PRMT8: variants seen among roughly 807,000 people sequenced by gnomAD.
PRMT8 encodes protein arginine N-methyltransferase 8.
Under a neutral mutation model 47.1 loss-of-function variants are expected in PRMT8, and 7 were observed. The ratio of observed to expected loss-of-function variants is 0.15; its 90% CI spans 0.08 to 0.28. The LOEUF is 0.28. PRMT8 is among the 10% of genes least tolerant of loss of function. The pLI, the probability that PRMT8 is intolerant of heterozygous loss-of-function variation, is 1.00. For missense variants in PRMT8, 237 were observed against 505.4 expected, an observed-to-expected ratio of 0.47 and a Z score of 5.09; for synonymous variants, 188 against 186.5, an observed-to-expected ratio of 1.01 and a Z score of -0.07.
At chr12:3,435,337 C>T (rs984353201) in intron 1 of PRMT8, among the ~76,000 whole-genome samples, 2 of 152,080 alleles carry the variant, frequency 1.3e-5, no homozygotes, top group African/African-American at 4.8e-5. Context: ...AGTCTTGGCT[C>T]TGCCTGTTCC....
intron 1 of PRMT8, among the ~76,000 whole-genome samples, chr12:3,388,876 C>CT (rs907193333): frequency 6.6e-6 from 1 of 152,180 alleles, no homozygotes; most frequent in Admixed American, 6.5e-5. Flanking sequence ...TTCCCAAGCA[C>CT]TTTTTTTCCC....
intron 1 of PRMT8, among the ~76,000 whole-genome samples, chr12:3,406,570 T>C (rs1303052771): frequency 6.6e-6 from 1 of 152,216 alleles, no homozygotes; most frequent in Non-Finnish European, 1.5e-5. Context: ...AGTTCAAAGT[T>C]ACACAGATCT....
intron 1 of PRMT8, among the ~76,000 whole-genome samples, chr12:3,510,642 G>T (rs1382450901): frequency 1.3e-5 from 2 of 152,234 alleles, no homozygotes; most frequent in African/African-American, 4.8e-5. Context: ...TGGACTGCCA[G>T]TACTGCAGGG....
upstream of PRMT8, among the ~76,000 whole-genome samples, chr12:3,490,048 C>G (rs145348758): frequency 6.6e-6 from 1 of 152,250 alleles, no homozygotes; most frequent in Non-Finnish European, 1.5e-5. Context: ...TGAGGACAGT[C>G]AGGCTCACAC....
chr12:3,401,053 A>G (rs1446220075), intron 1 of PRMT8, among the ~76,000 whole-genome samples: 2 of 148,540 alleles, frequency 1.3e-5, no homozygotes, highest in African/African-American at 4.9e-5. Context: ...ATGCTGAGGC[A>G]GGAGAATTGC....
chr12:3,458,754 GT>G (rs199515153), intron 1 of PRMT8, among the ~76,000 whole-genome samples: 1,579 of 152,278 alleles, frequency 0.01, 26 homozygotes, highest in African/African-American at 0.036. Context: ...TGCACTTTGT[GT>G]TTTTTCTGTG....
chr12:3,471,421 C>T (rs969326004), intron 1 of PRMT8, among the ~76,000 whole-genome samples: 31 of 152,012 alleles, frequency 2.0e-4, no homozygotes, highest in African/African-American at 7.2e-4. Flanking sequence ...TTCTGGAAAT[C>T]AAAAGGCCAC....
At chr12:3,578,552 C>A (rs1477833887) in intron 7 of PRMT8, among the ~76,000 whole-genome samples, 1 of 152,176 alleles carries the variant, frequency 6.6e-6, no homozygotes, top group Non-Finnish European at 1.5e-5. Flanking sequence ...AAAAATCAGC[C>A]CACCTGAGTC....
intron 1 of PRMT8, among the ~76,000 whole-genome samples, chr12:3,416,201 C>G (rs1196318249): frequency 6.6e-6 from 1 of 152,212 alleles, no homozygotes; most frequent in African/African-American, 2.4e-5. Context: ...TGGCTTCATG[C>G]TGAGTTATGA....
chr12:3,475,976 A>T (rs981880557), intron 1 of PRMT8, among the ~76,000 whole-genome samples: 12 of 152,314 alleles, frequency 7.9e-5, no homozygotes, highest in African/African-American at 2.9e-4. Context: ...CTTTCTTATA[A>T]TTTGCTAAGA....
chr12:3,507,466 A>G (rs528401037), intron 1 of PRMT8, among the ~76,000 whole-genome samples: 8 of 152,286 alleles, frequency 5.3e-5, no homozygotes, highest in Non-Finnish European at 7.4e-5. Flanking sequence ...ATGAAAGACT[A>G]TAATTCCCAT....
chr12:3,468,332 A>G (rs1183781079), intron 1 of PRMT8, among the ~76,000 whole-genome samples: 1 of 152,116 alleles, frequency 6.6e-6, no homozygotes, highest in Non-Finnish European at 1.5e-5. Flanking sequence ...GGCCAGGAGG[A>G]GGAGATGTTT....
chr12:3,435,061 T>G (rs1429688981), intron 1 of PRMT8, among the ~76,000 whole-genome samples: 1 of 150,540 alleles, frequency 6.6e-6, no homozygotes, highest in East Asian at 2.0e-4. Flanking sequence ...CTCTACCTCC[T>G]GGGTTCAAGC....
chr12:3,505,265 GT>G (rs1865603488), intron 1 of PRMT8, among the ~76,000 whole-genome samples: 1 of 152,200 alleles, frequency 6.6e-6, no homozygotes, highest in South Asian at 2.1e-4. Context: ...ACTGTCACAG[GT>G]ACTGGGGGTT....
chr12:3,406,069 G>T (rs1456928660), intron 1 of PRMT8, among the ~76,000 whole-genome samples: 1 of 152,256 alleles, frequency 6.6e-6, no homozygotes, highest in Non-Finnish European at 1.5e-5. Flanking sequence ...CTAAGCAGAG[G>T]TTCCCAAACT....
rs764460500 is a variant in PRMT8, at chr12:3,564,396, G to T, written c.482-4310G>T. ...AAATGAGGTTGAGCTGGCCTGATTTGTTTAAAAACAAAAATGACCATTAAT... is the reference window on the plus strand; with the variant it reads ...AAATGAGGTTGAGCTGGCCTGATTTTTTTAAAAACAAAAATGACCATTAAT... On this transcript the variant is annotated intron_variant, in intron 4 of 9. Transcript: ENST00000382622. The surrounding 1 kb of genome is among the most constrained non-coding windows in gnomAD (Gnocchi z 4.0). Among the ~76,000 whole-genome samples, 1 of 152,108 alleles carries T rather than the reference G, an allele frequency of 6.6e-6. No homozygotes were observed. The highest frequency in any genetic ancestry group is 1.5e-5 in the Non-Finnish European group (1 of 68,014).
At chr12:3,513,756 G>A (rs1011038896) in intron 1 of PRMT8, among the ~76,000 whole-genome samples, 1 of 152,214 alleles carries the variant, frequency 6.6e-6, no homozygotes, top group Non-Finnish European at 1.5e-5. Flanking sequence ...TTCTGGAGAT[G>A]AGAGCCAGAA....
intron 1 of PRMT8, among the ~76,000 whole-genome samples, chr12:3,421,766 T>G (rs1864543736): frequency 6.6e-6 from 1 of 152,182 alleles, no homozygotes; most frequent in Non-Finnish European, 1.5e-5. Flanking sequence ...TGTTTTAGTG[T>G]TTGAAAGAGC....
At chr12:3,577,704 A>G (rs1448037514) in intron 7 of PRMT8, among the ~76,000 whole-genome samples, 1 of 151,966 alleles carries the variant, frequency 6.6e-6, no homozygotes, top group Non-Finnish European at 1.5e-5. Flanking sequence ...ATTAGCTATC[A>G]TTAGTGTTAG....
Sources: allele counts gnomAD v4.1 joint callset (sites outside exome capture counted in the v4.1 genomes callset), GRCh38; gene constraint gnomAD v4.1.1; non-coding constraint Gnocchi (gnomAD v3.1); transcripts MANE v1.5; gene names NCBI Gene and HGNC (gene_info 2026-07-23, HGNC 2026-07-21).